PCDHA11: variants seen among roughly 807,000 people sequenced by gnomAD.
PCDHA11 encodes the protein protocadherin alpha 11.
Under a neutral mutation model 70.3 loss-of-function variants are expected in PCDHA11, and 61 were observed. That is an observed-to-expected ratio of 0.87 (90% CI 0.71 to 1.07). PCDHA11 has a LOEUF of 1.07. Ranked by LOEUF, PCDHA11 falls within the 50% of genes least tolerant of loss-of-function variation. The pLI, the probability that PCDHA11 is intolerant of heterozygous loss-of-function variation, is 0.00. For missense variants in PCDHA11, 1,324 were observed against 1,237.5 expected, an observed-to-expected ratio of 1.07 and a Z score of -1.05; for synonymous variants, 633 against 555.1, an observed-to-expected ratio of 1.14 and a Z score of -1.97.
At chr5:141,002,435 C>A (rs958320342) in intron 3 of PCDHA11, among the ~76,000 whole-genome samples, 3 of 152,280 alleles carry the variant, frequency 2.0e-5, no homozygotes, top group South Asian at 2.1e-4. Flanking sequence ...AGGCAATAAC[C>A]ATAATAATTG....
chr5:140,905,162 G>A (rs2071641359), intron 1 of PCDHA11, among the ~76,000 whole-genome samples: 1 of 152,118 alleles, frequency 6.6e-6, no homozygotes, highest in African/African-American at 2.4e-5. Flanking sequence ...GAATTTTCAT[G>A]GTTTCAGGTT....
chr5:140,877,419 G>A (rs1554169722), intron 1 of PCDHA11: 1 of 1,613,922 alleles, frequency 6.2e-7, no homozygotes, highest in Non-Finnish European at 8.5e-7. Context: ...GCCTGCTGGT[G>A]CTGGTGAAGG....
intron 1 of PCDHA11, among the ~76,000 whole-genome samples, chr5:140,938,050 A>G (rs1169641392): frequency 6.6e-6 from 1 of 152,116 alleles, no homozygotes; most frequent in African/African-American, 2.4e-5. Context: ...TGGGTTTTCT[A>G]CATATACTGT....
chr5:140,972,854 G>A (rs895738831), intron 1 of PCDHA11, among the ~76,000 whole-genome samples: 4 of 151,946 alleles, frequency 2.6e-5, no homozygotes, highest in Non-Finnish European at 4.4e-5. Flanking sequence ...AGTAGAGATG[G>A]GGTTTCATCA....
At chr5:140,904,303 G>A (rs1176685220) in intron 1 of PCDHA11, among the ~76,000 whole-genome samples, 3 of 151,902 alleles carry the variant, frequency 2.0e-5, no homozygotes, top group African/African-American at 7.3e-5. Flanking sequence ...CCATTCCTGA[G>A]TTTCTTCACT....
chr5:140,928,007 ATGG>A (rs1183344805), intron 1 of PCDHA11: 2 of 1,613,998 alleles, frequency 1.2e-6, no homozygotes, highest in Non-Finnish European at 1.7e-6. Context: ...CTCGATTCTA[ATGG>A]TAGGGTCATT....
At chr5:141,008,557 T>G (rs1394611167) in intron 3 of PCDHA11, among the ~76,000 whole-genome samples, 3 of 152,218 alleles carry the variant, frequency 2.0e-5, no homozygotes, top group African/African-American at 7.2e-5. Flanking sequence ...CTCCTGTGGA[T>G]GCATAATCAT....
chr5:140,895,603 T>C (rs2065070404), intron 1 of PCDHA11, among the ~76,000 whole-genome samples: 1 of 152,156 alleles, frequency 6.6e-6, no homozygotes, highest in African/African-American at 2.4e-5. Context: ...TTTGCAAAGA[T>C]TTTCTCATTG....
chr5:140,911,455 C>G (rs1266220741), intron 1 of PCDHA11, among the ~76,000 whole-genome samples: 3 of 152,132 alleles, frequency 2.0e-5, no homozygotes, highest in African/African-American at 7.2e-5. Flanking sequence ...AGCTCTTTCT[C>G]TACAGGAGAT....
At chr5:140,908,073 G>A (rs2153503880) in intron 1 of PCDHA11, among the ~76,000 whole-genome samples, 1 of 152,322 alleles carries the variant, frequency 6.6e-6, no homozygotes, top group Admixed American at 6.5e-5. Context: ...CATGAAAAGT[G>A]CACAACCAGG....
intron 1 of PCDHA11, chr5:140,883,657 C>A (rs782568456): frequency 1.2e-6 from 2 of 1,613,470 alleles, no homozygotes; most frequent in East Asian, 4.5e-5. Context: ...ACACGGTGTT[C>A]GTGAAGGAAA....
rs371820170 is a variant in PCDHA11, at chr5:140,871,346, C to T, written c.2243C>T (p.Ser748Leu). 1.1e-5 allele frequency: 17 copies of T among 1,614,104 alleles called. No homozygotes were observed. Among genetic ancestry groups the T allele is most frequent in the African/African-American group, 4.0e-5 (3 of 74,954 alleles). ...TGCTCCCGCGCGGTGGGGAGCTGGT[C>T]ATACTCGCAGCAGAGGCGGCAGAGG... is the stretch of plus-strand genomic sequence containing the variant. The part of the protein sequence containing the change: ...LVCSRAVGSW[S>L]YSQQRRQRVC... The change falls in exon 1 of 4, where the codon TCA becomes TTA. Residue 748 changes from serine (S) to leucine (L), a missense_variant. Transcript: ENST00000398640.
intron 3 of PCDHA11, among the ~76,000 whole-genome samples, chr5:140,994,916 G>C (rs191112964): frequency 2.0e-5 from 3 of 152,332 alleles, no homozygotes; most frequent in Admixed American, 1.3e-4. Context: ...ACTGGAATCA[G>C]ATTTTGTAGG....
chr5:140,978,907 G>T (rs782602741), intron 1 of PCDHA11, 42 bp from the exon 2 acceptor site: 3 of 1,613,648 alleles, frequency 1.9e-6, no homozygotes, highest in East Asian at 2.2e-5. Flanking sequence ...GGAGAACATT[G>T]TCTTGTCATT....
At chr5:140,970,006 A>G (rs2096376265) in intron 1 of PCDHA11, among the ~76,000 whole-genome samples, 1 of 152,158 alleles carries the variant, frequency 6.6e-6, no homozygotes, top group Non-Finnish European at 1.5e-5. Context: ...GAGGGAGTGG[A>G]TGATGGTGAG....
At chr5:140,875,740 A>G (rs377133743) in intron 1 of PCDHA11, 14 of 1,614,104 alleles carry the variant, frequency 8.7e-6, no homozygotes, top group Non-Finnish European at 1.2e-5. Context: ...GAATTCTCGG[A>G]TCGACCGCGA....
chr5:140,877,917 T>G (rs2057395668), intron 1 of PCDHA11: 2 of 1,427,712 alleles, frequency 1.4e-6, no homozygotes, highest in Admixed American at 2.9e-5. Context: ...TTCTCTCATT[T>G]TTCTTTATGA....
chr5:140,997,557 A>G lies in PCDHA11; in HGVS notation c.2540-12070A>G, dbSNP rs1392974918. On this transcript the variant is annotated intron_variant, in intron 3 of 3. Coordinates refer to ENST00000398640, the MANE Select transcript of PCDHA11 (RefSeq NM_018902.5). ...TACATTATTATAATCTTACAGGACA[A>G]CTGTCATATGTGTGGTCCGTTGTTG... is the stretch of plus-strand genomic sequence containing the variant. Among the ~76,000 whole-genome samples, 15 of 152,262 alleles carry G rather than the reference A, an allele frequency of 9.9e-5. No individual in the cohort carries two copies. In the South Asian group the frequency reaches 1.2e-3, roughly 13 times the overall value.
chr5:140,928,161 C>G (rs155820), intron 1 of PCDHA11: 543,775 of 1,613,884 alleles, frequency 0.34, 93,301 homozygotes, highest in East Asian at 0.51. Flanking sequence ...GTGGCTCACC[C>G]CCACTTAGCA....
Sources: gnomAD v4.1 joint callset for allele counts (sites outside exome capture counted in the v4.1 genomes callset) on GRCh38, gnomAD v4.1.1 for gene constraint, MANE v1.5 for transcripts, NCBI Gene and HGNC (gene_info 2026-07-23, HGNC 2026-07-21) for gene names.